SPOCK3: variants seen among roughly 807,000 people sequenced by gnomAD.
SPOCK3 encodes the protein SPARC (osteonectin), cwcv and kazal like domains proteoglycan 3, also known as testican-3.
Under a neutral mutation model 56.6 loss-of-function variants are expected in SPOCK3, and 30 were observed. The observed-to-expected ratio is 0.53, with a 90% CI of 0.40 to 0.72. SPOCK3 has a LOEUF of 0.72. SPOCK3 is among the 30% of genes least tolerant of loss of function. SPOCK3 has a pLI of 0.00. For missense variants in SPOCK3, 527 were observed against 530.0 expected, an observed-to-expected ratio of 0.99 and a Z score of 0.06; for synonymous variants, 196 against 183.3, an observed-to-expected ratio of 1.07 and a Z score of -0.56.
At chr4:167,128,315 G>C (rs1371411381) in intron 2 of SPOCK3, among the ~76,000 whole-genome samples, 1 of 152,020 alleles carries the variant, frequency 6.6e-6, no homozygotes, top group East Asian at 1.9e-4. Context: ...CCAAACAAAG[G>C]CTTTTTACCC....
rs368022332 is a variant in SPOCK3, at chr4:166,850,873, T to C, written c.589+38257A>G. Among the ~76,000 whole-genome samples, 6 of 152,248 alleles carry C rather than the reference T, an allele frequency of 3.9e-5. No individual in the cohort carries two copies. The South Asian group carries it at 8.3e-4, about 21-fold the overall frequency. ...AGCAGTCTGAGATCAAACTGCAAGG[T>C]GGCAGCGAGGCTGGGGGAGGGGTGC... On this transcript the variant is annotated intron_variant, in intron 6 of 10. Transcript: ENST00000357545.
intron 3 of SPOCK3, among the ~76,000 whole-genome samples, chr4:167,012,297 A>T (rs1044534061): frequency 6.6e-6 from 1 of 151,218 alleles, no homozygotes; most frequent in Non-Finnish European, 1.5e-5. Context: ...AACTTTCCTC[A>T]TATGAGCTGG....
Position 167,155,266 on chromosome 4 carries a change from G to A in SPOCK3, c.189+78719C>T, listed in dbSNP as rs1250958104. Among the ~76,000 whole-genome samples the A allele has an allele frequency of 4.0e-5, 6 of 151,784 alleles. No homozygotes were observed. In the South Asian group the frequency reaches 8.3e-4, roughly 21 times the overall value. On this transcript the variant is annotated intron_variant, in intron 2 of 10. Coordinates refer to ENST00000357545, the MANE Select transcript of SPOCK3 (RefSeq NM_001040159.2). ...GAGTCCCTGGGATTACAGGCACTCC[G>A]CCACCACGCCCAGCTAATATTTTCT... is the stretch of plus-strand genomic sequence containing the variant.
intron 2 of SPOCK3, among the ~76,000 whole-genome samples, chr4:167,229,364 A>C (rs1425238459): frequency 2.6e-4 from 40 of 152,182 alleles, no homozygotes. Context: ...TAAACAAAGT[A>C]CTGAGAGAGC....
At chr4:167,104,331 A>T (rs1759911801) in intron 2 of SPOCK3, among the ~76,000 whole-genome samples, 2 of 152,194 alleles carry the variant, frequency 1.3e-5, no homozygotes, top group Non-Finnish European at 2.9e-5. Flanking sequence ...CCAAGCAAAT[A>T]CAAGAGAACA....
chr4:166,802,475 T>C (rs936031299), intron 6 of SPOCK3, among the ~76,000 whole-genome samples: 3 of 152,192 alleles, frequency 2.0e-5, no homozygotes, highest in Non-Finnish European at 4.4e-5. Context: ...GTTCAGTGTC[T>C]GGTGAAGGCC....
At chr4:167,115,907 T>C (rs1470640401) in intron 2 of SPOCK3, among the ~76,000 whole-genome samples, 1 of 151,966 alleles carries the variant, frequency 6.6e-6, no homozygotes, top group Admixed American at 6.6e-5. Context: ...TAAATATCTC[T>C]AAACAAACTA....
intron 6 of SPOCK3, among the ~76,000 whole-genome samples, chr4:166,879,311 T>C (rs1054272705): frequency 5.3e-5 from 8 of 152,054 alleles, no homozygotes; most frequent in Non-Finnish European, 1.2e-4. Flanking sequence ...AGAGGATCAC[T>C]TGAGGCCAGG....
intron 2 of SPOCK3, among the ~76,000 whole-genome samples, chr4:167,125,026 T>C (rs1166510620): frequency 1.3e-5 from 2 of 152,156 alleles, no homozygotes; most frequent in Non-Finnish European, 2.9e-5. Flanking sequence ...AGTCTTTTCT[T>C]GTCATGCTAT....
chr4:166,771,371 C>T (rs1738908627), intron 7 of SPOCK3, among the ~76,000 whole-genome samples: 1 of 151,936 alleles, frequency 6.6e-6, no homozygotes, highest in Non-Finnish European at 1.5e-5. Context: ...TAAGCTTTCT[C>T]TATCTTTGAA....
At chr4:167,053,612 G>T (rs898877500) in intron 3 of SPOCK3, among the ~76,000 whole-genome samples, 2 of 152,020 alleles carry the variant, frequency 1.3e-5, no homozygotes, top group Non-Finnish European at 2.9e-5. Context: ...TTGAACCCAG[G>T]AGGTAGAGGT....
chr4:166,836,379 G>A (rs1440635109), intron 6 of SPOCK3, among the ~76,000 whole-genome samples: 1 of 151,940 alleles, frequency 6.6e-6, no homozygotes, highest in Non-Finnish European at 1.5e-5. Context: ...TAATATTTTG[G>A]TTGCCCATTC....
intron 2 of SPOCK3, among the ~76,000 whole-genome samples, chr4:167,111,639 G>C (rs1760909286): frequency 6.6e-6 from 1 of 152,018 alleles, no homozygotes; most frequent in Non-Finnish European, 1.5e-5. Flanking sequence ...TTGAGTTATG[G>C]GAAGATTGCT....
intron 4 of SPOCK3, among the ~76,000 whole-genome samples, chr4:166,969,872 T>C (rs961724033): frequency 6.6e-6 from 1 of 152,222 alleles, no homozygotes; most frequent in African/African-American, 2.4e-5. Context: ...TTATGTCTTC[T>C]AGCAGCTTTA....
In SPOCK3 at chr4:166,889,206, C is replaced by T. The variant is rs771214229; in HGVS notation, c.513G>A (p.Gln171=). Residue 171 remains glutamine (Q), a synonymous_variant, in exon 6 of 11, where the codon CAG becomes CAA. Transcript: ENST00000357545. The stretch of plus-strand genomic sequence containing the variant: ...AATGTCCTTCACATTTGACTGAGAT[C>T]TGTTTTCCTAAGACACATGCCTGAT... The part of the protein sequence containing the change: ...LEYQACVLGK[Q]ISVKCEGHCP... The T allele has an allele frequency of 1.2e-6, 2 of 1,611,720 alleles. No individual in the cohort carries two copies. The highest frequency in any genetic ancestry group is 4.5e-5 in the East Asian group (2 of 44,698).
chr4:167,155,422 T>A (rs1764738064), intron 2 of SPOCK3, among the ~76,000 whole-genome samples: 1 of 152,130 alleles, frequency 6.6e-6, no homozygotes, highest in Non-Finnish European at 1.5e-5. Context: ...CCAGCATATC[T>A]GCTAATATCT....
chr4:167,009,533 C>T (rs565007410), intron 3 of SPOCK3, among the ~76,000 whole-genome samples: 1 of 152,070 alleles, frequency 6.6e-6, no homozygotes, highest in African/African-American at 2.4e-5. Flanking sequence ...TTGGTGGAAA[C>T]CAGTTACAAA....
intron 2 of SPOCK3, among the ~76,000 whole-genome samples, chr4:167,168,724 G>A (rs558351865): frequency 1.9e-4 from 29 of 152,232 alleles, no homozygotes; most frequent in African/African-American, 4.8e-4. Context: ...AGAAATTTGC[G>A]TAAGTAACAA....
intron 6 of SPOCK3, among the ~76,000 whole-genome samples, chr4:166,850,928 C>CA (rs1729957671): frequency 6.6e-6 from 1 of 152,222 alleles, no homozygotes; most frequent in Non-Finnish European, 1.5e-5. Context: ...CTTAGGTAAA[C>CA]AAAGCAGCCA....
Sources: allele counts gnomAD v4.1 joint callset (sites outside exome capture counted in the v4.1 genomes callset), GRCh38; gene constraint gnomAD v4.1.1; transcripts MANE v1.5; gene names NCBI Gene and HGNC (gene_info 2026-07-23, HGNC 2026-07-21).